The following C1orf226 variants were observed in gnomAD, a reference collection of about 807,000 sequenced individuals.
The protein encoded by C1orf226 is uncharacterized protein C1orf226.
In C1orf226, 4 loss-of-function variants were observed where a neutral mutation model predicts 10.5. The observed-to-expected ratio is 0.38, with a 90% CI of 0.19 to 0.87. The LOEUF (loss-of-function observed/expected upper bound fraction) is 0.87. C1orf226 is among the 40% of genes least tolerant of loss of function. The pLI is 0.41. For synonymous variants in C1orf226, 125 were observed against 139.3 expected, an observed-to-expected ratio of 0.90 and a Z score of 0.72; for missense variants, 313 against 336.2, an observed-to-expected ratio of 0.93 and a Z score of 0.54.
At chr1:162,383,104 T>G (rs1647973330) in intron 1 of C1orf226, 78 bp from the exon 2 acceptor site, 10 of 1,409,286 alleles carry the variant, frequency 7.1e-6, no homozygotes, top group Non-Finnish European at 8.7e-6. Flanking sequence ...GCAGTTGGAG[T>G]TGGAGAAGCA....
chr1:162,382,338 T>TGCAGCTTTTCA, intron 1 of C1orf226, 120 bp downstream of exon 1: 1 of 1,294,186 alleles, frequency 7.7e-7, no homozygotes, highest in Non-Finnish European at 1.0e-6. Flanking sequence ...GAGATTGTCC[T>TGCAGCTTTTCA]GTACTGAAAA....
rs970064308 is a variant in C1orf226, at chr1:162,384,885, G to C, written c.*1202G>C. 9 of 153,020 alleles carry C rather than the reference G, an allele frequency of 5.9e-5. No individual in the cohort carries two copies. Among genetic ancestry groups the C allele is most frequent in the African/African-American group, 2.2e-4 (9 of 41,460 alleles). The allele number at this position is 153,020 out of a possible 1,614,324, so 9.5% of individuals were successfully genotyped here. On this transcript the variant is annotated 3_prime_UTR_variant, in exon 2 of 2. Coordinates refer to ENST00000458626, the MANE Select transcript of C1orf226 (RefSeq NM_001085375.2). ...CTGCCCTTGCCTGCCTTTCTTTTAT[G>C]CTGATGCTGGTGGGCTTTTTCCTGC... is the stretch of plus-strand genomic sequence containing the variant.
At position 162,383,362 on chromosome 1, in the gene C1orf226, C is replaced by T. The variant is rs1039216279; in HGVS notation, c.498C>T (p.Ala166=). 6.2e-7 allele frequency: 1 copy of T among 1,602,726 alleles called. No homozygotes were observed. The highest frequency in any genetic ancestry group is 1.3e-5 in the African/African-American group (1 of 74,772). Residue 166 remains alanine (A), a synonymous_variant, in exon 2 of 2, where the codon GCC becomes GCT. Coordinates refer to ENST00000458626, the MANE Select transcript of C1orf226 (RefSeq NM_001085375.2). The part of the protein sequence containing the change: ...PGQAQDSAPT[A]QPDVPADASQ... ...AGGCCCAGGACTCCGCTCCCACTGCCCAGCCTGACGTCCCAGCAGACGCTT... is the reference window on the plus strand; with the variant it reads ...AGGCCCAGGACTCCGCTCCCACTGCTCAGCCTGACGTCCCAGCAGACGCTT...
In C1orf226 at chr1:162,382,265, T is replaced by A. The variant is rs1232293938; in HGVS notation, c.317+47T>A. 2.0e-6 allele frequency: 3 copies of A among 1,530,642 alleles called. No homozygotes were observed. In the East Asian group the frequency reaches 7.3e-5, roughly 37 times the overall value. 94.8% of individuals were successfully genotyped at this position (1,530,642 alleles called of 1,614,324 possible). On this transcript the variant is annotated intron_variant, in intron 1 of 1. Coordinates refer to ENST00000458626, the MANE Select transcript of C1orf226 (RefSeq NM_001085375.2). ...CATCCATGCCCCTCTGTGGACCCAC[T>A]TGAAAAGGTACAGGGACAAACTGCA...
chr1:162,381,045 C>G (rs78869017), upstream of C1orf226, among the ~76,000 whole-genome samples: 210 of 152,304 alleles, frequency 1.4e-3, no homozygotes, highest in East Asian at 0.036. Context: ...GGCAGCTGTT[C>G]CATGATCTAT....
At position 162,383,438 on chromosome 1, in the gene C1orf226, A is replaced by G. The variant is rs750315108; in HGVS notation, c.574A>G (p.Asn192Asp). The change falls in exon 2 of 2, where the codon AAT (asparagine) becomes GAT (aspartate). Residue 192 changes from asparagine (N) to aspartate (D), a missense_variant. Transcript: ENST00000458626. ...AGAAGAGAGAGGCAAAGTTCTGCCC[A>G]ATGGAGAGGTTTCCCTGTCAGTACC... ...EREERGKVLP[N>D]GEVSLSVPDL... 3.8e-6 allele frequency: 6 copies of G among 1,589,822 alleles called. No individual in the cohort carries two copies. The East Asian group carries it at 1.4e-4, about 36-fold the overall frequency.
Position 162,382,009 on chromosome 1 carries a change from T to C in C1orf226, c.108T>C (p.Gly36=), listed in dbSNP as rs1226933319. The change falls in exon 1 of 2, where the codon GGT becomes GGC. Residue 36 remains glycine (G), a synonymous_variant. Coordinates refer to ENST00000458626, the MANE Select transcript of C1orf226 (RefSeq NM_001085375.2). ...VAPGSAPLGS[G]EPGGPGLWVG... is the part of the protein sequence containing the mutation. ...CCGGCTCTGCCCCTCTGGGCTCTGGTGAGCCTGGGGGGCCAGGACTCTGGG... is the reference window on the plus strand; with the variant it reads ...CCGGCTCTGCCCCTCTGGGCTCTGGCGAGCCTGGGGGGCCAGGACTCTGGG... 1 of 1,612,350 alleles carries C rather than the reference T, an allele frequency of 6.2e-7. No individual in the cohort carries two copies. Among genetic ancestry groups the C allele is most frequent in the Non-Finnish European group, 8.5e-7 (1 of 1,179,658 alleles).
chr1:162,384,046 C>A lies in C1orf226; in HGVS notation c.*363C>A, dbSNP rs1315824011. The A allele has an allele frequency of 8.8e-6, 2 of 227,362 alleles. No individual in the cohort carries two copies. Among genetic ancestry groups the A allele is most frequent in the East Asian group, 2.1e-4 (2 of 9,728 alleles). 14.1% of individuals were successfully genotyped at this position (227,362 alleles called of 1,614,324 possible). Reference sequence around the variant, plus strand: ...CAGGACAATGGATCTTACAGGAATTCTTTTTGCCTGTCCCCTACATGCGCC... The same window carrying A: ...CAGGACAATGGATCTTACAGGAATTATTTTTGCCTGTCCCCTACATGCGCC... On this transcript the variant is annotated 3_prime_UTR_variant, in exon 2 of 2. Transcript: ENST00000458626.
chr1:162,379,066 TC>T, upstream of C1orf226: 1 of 1,376,320 alleles, frequency 7.3e-7, no homozygotes, highest in Non-Finnish European at 1.0e-6. Flanking sequence ...ATGACTTACA[TC>T]CCCAGATGCC....
Position 162,383,668 on chromosome 1 carries a change from G to A in C1orf226, c.804G>A (p.Leu268=). ...SLDNEGPHPD[L]LSFE ...ACAATGAGGGCCCTCACCCAGACCTGCTGTCCTTTGAATAGAGCCTCTGCT... is the reference window on the plus strand; with the variant it reads ...ACAATGAGGGCCCTCACCCAGACCTACTGTCCTTTGAATAGAGCCTCTGCT... The change falls in exon 2 of 2, where the codon CTG becomes CTA. Residue 268 remains leucine, a synonymous_variant. Transcript: ENST00000458626. 6.2e-7 allele frequency: 1 copy of A among 1,603,840 alleles called. No homozygotes were observed. The highest frequency in any genetic ancestry group is 8.5e-7 in the Non-Finnish European group (1 of 1,176,274).
In C1orf226 at chr1:162,383,773, G is replaced by A. The variant is rs2101848562; in HGVS notation, c.*90G>A. On this transcript the variant is annotated 3_prime_UTR_variant, in exon 2 of 2. Coordinates refer to ENST00000458626, the MANE Select transcript of C1orf226 (RefSeq NM_001085375.2). ...CACTGGCCCTGGCCTCAACTCCGCT[G>A]TGCCCTTTGTCTTCCTTGTATGAGG... 7.5e-7 allele frequency: 1 copy of A among 1,330,748 alleles called. No individual in the cohort carries two copies. Among genetic ancestry groups the A allele is most frequent in the Non-Finnish European group, 1.0e-6 (1 of 997,418 alleles). 82.4% of individuals were successfully genotyped at this position (1,330,748 alleles called of 1,614,324 possible).
In C1orf226 at chr1:162,381,932, C is replaced by T. The variant is rs1371804809; in HGVS notation, c.31C>T (p.Pro11Ser). Residue 11 changes from proline to serine, a missense_variant, in exon 1 of 2, where the codon CCA (proline) becomes TCA (serine). Coordinates refer to ENST00000458626, the MANE Select transcript of C1orf226 (RefSeq NM_001085375.2). ...TGAGAATTTGAACACAGCCCTCACT[C>T]CAAAGCTCCAGGCCAGCCGCTCCTT... Reference protein sequence around the residue: MFENLNTALTPKLQASRSFPH... With the variant: MFENLNTALTSKLQASRSFPH... 1.2e-6 allele frequency: 2 copies of T among 1,612,804 alleles called. No individual in the cohort carries two copies. The highest frequency in any genetic ancestry group is 1.1e-5 in the South Asian group (1 of 91,088).
rs781446416 is a variant in C1orf226 at position 162,381,991 on chromosome 1, T to C, written c.90T>C (p.Ser30=). 1 of 1,612,808 alleles carries C rather than the reference T, an allele frequency of 6.2e-7. No homozygotes were observed. Among genetic ancestry groups the C allele is most frequent in the South Asian group, 1.1e-5 (1 of 91,046 alleles). ...TGTCCAAGCCCGTGGCCCCCGGCTC[T>C]GCCCCTCTGGGCTCTGGTGAGCCTG... ...PHLSKPVAPG[S]APLGSGEPGG... Residue 30 remains serine (S), a synonymous_variant, in exon 1 of 2, where the codon TCT becomes TCC. Coordinates refer to ENST00000458626, the MANE Select transcript of C1orf226 (RefSeq NM_001085375.2).
rs770744623 is a variant in C1orf226 at position 162,383,628 on chromosome 1, G to C, written c.764G>C (p.Arg255Pro). Reference sequence around the variant, plus strand: ...GATGGCAGCCCCCCTCCTCAGGCACGGACCTCCAGCCTCGACAATGAGGGC... The same window carrying C: ...GATGGCAGCCCCCCTCCTCAGGCACCGACCTCCAGCCTCGACAATGAGGGC... ...WEDGSPPPQA[R>P]TSSLDNEGPH... Residue 255 changes from arginine (R) to proline (P), a missense_variant, in exon 2 of 2, where the codon CGG becomes CCG. Arg to Pro is a moderately radical substitution (Grantham distance 103, BLOSUM62 -2). Coordinates refer to ENST00000458626, the MANE Select transcript of C1orf226 (RefSeq NM_001085375.2). The C allele has an allele frequency of 2.6e-5, 42 of 1,609,150 alleles. No homozygotes were observed. Among genetic ancestry groups the C allele is most frequent in the Non-Finnish European group, 3.4e-5 (40 of 1,178,004 alleles).
At chr1:162,380,503 C>T (rs1375692453), upstream of C1orf226, among the ~76,000 whole-genome samples, 1 of 152,214 alleles carries the variant, frequency 6.6e-6, no homozygotes, top group Non-Finnish European at 1.5e-5. Flanking sequence ...ACACCCTAAC[C>T]CCAGTTACTC....
rs765728252 is a variant in C1orf226, at chr1:162,382,085, G to A, written c.184G>A (p.Val62Met). ...KNLGKAMGAKVNDFLRRKEPS... is the reference protein window; with the variant it reads ...KNLGKAMGAKMNDFLRRKEPS... ...CCTGGGCAAAGCCATGGGGGCCAAAGTGAATGACTTCCTGAGGAGAAAGGA... is the reference window on the plus strand; with the variant it reads ...CCTGGGCAAAGCCATGGGGGCCAAAATGAATGACTTCCTGAGGAGAAAGGA... The change falls in exon 1 of 2, where the codon GTG becomes ATG. Residue 62 changes from valine (V) to methionine (M), a missense_variant. By Grantham distance (21) the Val-to-Met change is conservative. Transcript: ENST00000458626. 2 of 1,599,678 alleles carry A rather than the reference G, an allele frequency of 1.3e-6. No individual in the cohort carries two copies. The highest frequency in any genetic ancestry group is 8.5e-7 in the Non-Finnish European group (1 of 1,173,098).
chr1:162,382,501 G>T (rs1341502464), intron 1 of C1orf226, among the ~76,000 whole-genome samples: 1 of 152,212 alleles, frequency 6.6e-6, no homozygotes, highest in Non-Finnish European at 1.5e-5. Context: ...GGCTATAGTT[G>T]CATCATTTTG....
chr1:162,383,365 G>A lies in C1orf226; in HGVS notation c.501G>A (p.Gln167=), dbSNP rs552194846. ...GQAQDSAPTA[Q]PDVPADASQP... Reference sequence around the variant, plus strand: ...CCCAGGACTCCGCTCCCACTGCCCAGCCTGACGTCCCAGCAGACGCTTCAC... The same window carrying A: ...CCCAGGACTCCGCTCCCACTGCCCAACCTGACGTCCCAGCAGACGCTTCAC... The change falls in exon 2 of 2, where the codon CAG becomes CAA. Residue 167 remains glutamine, a synonymous_variant. Coordinates refer to ENST00000458626, the MANE Select transcript of C1orf226 (RefSeq NM_001085375.2). 1.2e-6 allele frequency: 2 copies of A among 1,601,970 alleles called. No homozygotes were observed. Among genetic ancestry groups the A allele is most frequent in the African/African-American group, 1.3e-5 (1 of 74,744 alleles).
Position 162,383,167 on chromosome 1 carries a change from T to C in C1orf226, c.318-15T>C. The C allele has an allele frequency of 6.5e-7, 1 of 1,544,208 alleles. No individual in the cohort carries two copies. The highest frequency in any genetic ancestry group is 1.3e-5 in the South Asian group (1 of 78,618). The stretch of plus-strand genomic sequence containing the variant: ...GTCCTTAAGGCATGTGTGTTTATTG[T>C]CATTAACCTTACAGGTCAGTCCTGC... On this transcript the variant is annotated splice_polypyrimidine_tract_variant and intron_variant, in intron 1 of 1. Coordinates refer to ENST00000458626, the MANE Select transcript of C1orf226 (RefSeq NM_001085375.2).
Sources: gnomAD v4.1 joint callset for allele counts (sites outside exome capture counted in the v4.1 genomes callset) on GRCh38, gnomAD v4.1.1 for gene constraint, MANE v1.5 for transcripts, NCBI Gene and HGNC (gene_info 2026-07-23, HGNC 2026-07-21) for gene names.